NCOA6: variants seen among roughly 807,000 people sequenced by gnomAD.
NCOA6 encodes NRC RAP250.
Under a neutral mutation model 171.4 loss-of-function variants are expected in NCOA6, and 49 were observed. The ratio of observed to expected loss-of-function variants is 0.29; its 90% CI spans 0.23 to 0.36. NCOA6 has a LOEUF of 0.36. Among genes scored for constraint, NCOA6 ranks in the 10% least tolerant of loss-of-function variants. The pLI is 1.00. For missense variants in NCOA6, 2,248 were observed against 2,554.5 expected, an observed-to-expected ratio of 0.88 and a Z score of 2.59; for synonymous variants, 910 against 927.5, an observed-to-expected ratio of 0.98 and a Z score of 0.34.
chr20:34,744,855 T>G (rs1258922819), intron 10 of NCOA6, among the ~76,000 whole-genome samples: 11 of 152,152 alleles, frequency 7.2e-5, no homozygotes, highest in Admixed American at 7.2e-4. Context: ...CCTGTTGATG[T>G]CAGGGTTATG....
chr20:34,809,673 A>G (rs1244530152), intron 1 of NCOA6, among the ~76,000 whole-genome samples: 1 of 152,214 alleles, frequency 6.6e-6, no homozygotes, highest in Non-Finnish European at 1.5e-5. Flanking sequence ...TACTCTAGAA[A>G]GAGTTGTAAA....
Position 34,715,011 on chromosome 20 carries a change from C to A in NCOA6, c.*311G>T, listed in dbSNP as rs932389552. 21 of 298,046 alleles carry A rather than the reference C, an allele frequency of 7.0e-5. No individual in the cohort carries two copies. The highest frequency in any genetic ancestry group is 3.3e-4 in the Admixed American group (7 of 21,148). The allele number at this position is 298,046 out of a possible 1,614,324, so 18.5% of individuals were successfully genotyped here. A position where few individuals can be genotyped will look rare whatever the true frequency, so the allele number is the denominator to read the frequency against. On this transcript the variant is annotated 3_prime_UTR_variant, in exon 15 of 15. Coordinates refer to ENST00000359003, the MANE Select transcript of NCOA6 (RefSeq NM_014071.5). ...ACGGCACAATACATCATTAGGAGAT[C>A]TAAAAATGCTCACCCTGTACTCTAG...
chr20:34,825,431 G>A (rs1364715847), intron 1 of NCOA6, 41 bp downstream of exon 1: 26 of 149,230 alleles, frequency 1.7e-4, no homozygotes, highest in African/African-American at 6.3e-4. Flanking sequence ...CGGACGCCCG[G>A]CGGGCCCACC....
intron 5 of NCOA6, among the ~76,000 whole-genome samples, chr20:34,760,768 T>G (rs1448383698): frequency 6.6e-6 from 1 of 152,244 alleles, no homozygotes; most frequent in African/African-American, 2.4e-5. Flanking sequence ...AATTGTGGAA[T>G]ATATTTTTTC....
chr20:34,742,833 T>C lies in NCOA6; in HGVS notation c.3423A>G (p.Pro1141=), dbSNP rs1319090835. ...SLPEASGSEA[P]SVPGGPNNMP... ...TGTTGTTTGGGCCTCCTGGGACAGA[T>C]GGTGCTTCACTGCCACTTGCTTCAG... Residue 1141 remains proline (P), a synonymous_variant, in exon 11 of 15, where the codon CCA becomes CCG. Transcript: ENST00000359003. 2.5e-6 allele frequency: 4 copies of C among 1,614,170 alleles called. No homozygotes were observed. In the South Asian group the frequency reaches 4.4e-5, roughly 18 times the overall value.
intron 5 of NCOA6, among the ~76,000 whole-genome samples, chr20:34,765,269 A>G (rs2076944194): frequency 6.6e-6 from 1 of 151,740 alleles, no homozygotes; most frequent in Non-Finnish European, 1.5e-5. Flanking sequence ...TGGCTAACAC[A>G]GTGAACCCTC....
chr20:34,731,584 G>A (rs6141509), intron 13 of NCOA6, among the ~76,000 whole-genome samples: 68,022 of 152,002 alleles, frequency 0.45, 15,633 homozygotes, highest in Admixed American at 0.6. Context: ...AGGATGCATG[G>A]CATGGAACAA....
At chr20:34,774,189 TAAATA>T (rs1186918820) in intron 4 of NCOA6, among the ~76,000 whole-genome samples, 1 of 152,214 alleles carries the variant, frequency 6.6e-6, no homozygotes, top group Admixed American at 6.5e-5. Context: ...TTGAAGCCTT[TAAATA>T]GGTAACAGAG....
intron 1 of NCOA6, chr20:34,819,155 AAT>A (rs1301063058): frequency 1.3e-5 from 2 of 152,160 alleles, no homozygotes; most frequent in East Asian, 3.8e-4. Flanking sequence ...CCACCATCCC[AAT>A]ATGTCATTTA....
chr20:34,803,049 G>A (rs2078309048), intron 1 of NCOA6, among the ~76,000 whole-genome samples: 1 of 152,002 alleles, frequency 6.6e-6, no homozygotes, highest in Non-Finnish European at 1.5e-5. Flanking sequence ...GGGCTCAAGT[G>A]ATCCACCCAC....
chr20:34,813,582 T>C (rs1199662010), intron 1 of NCOA6, among the ~76,000 whole-genome samples: 7 of 152,184 alleles, frequency 4.6e-5, no homozygotes, highest in Non-Finnish European at 8.8e-5. Flanking sequence ...TGTGTTTATG[T>C]AGAAGAATAT....
intron 8 of NCOA6, among the ~76,000 whole-genome samples, chr20:34,754,064 T>C (rs2076571854): frequency 6.6e-6 from 1 of 152,222 alleles, no homozygotes; most frequent in African/African-American, 2.4e-5. Flanking sequence ...ATTTCTTCTT[T>C]TTGCAGTACA....
chr20:34,733,306 A>C (rs2075843294), intron 12 of NCOA6, among the ~76,000 whole-genome samples: 1 of 152,204 alleles, frequency 6.6e-6, no homozygotes, highest in African/African-American at 2.4e-5. Context: ...ACCAGATAGC[A>C]GTGATCTATC....
At position 34,750,153 on chromosome 20, in the gene NCOA6, T is replaced by G; in HGVS notation, c.2042A>C (p.Lys681Thr). 1 of 1,613,330 alleles carries G rather than the reference T, an allele frequency of 6.2e-7. No individual in the cohort carries two copies. The highest frequency in any genetic ancestry group is 8.5e-7 in the Non-Finnish European group (1 of 1,179,634). ...GPSPQRMTPP[K>T]QMLSQQGPQM... Reference sequence around the variant, plus strand: ...TGGGCCCTGCTGGGAAAGCATCTGCTTGGGTGGGGTCATCCTTTGGGGCGA... The same window carrying G: ...TGGGCCCTGCTGGGAAAGCATCTGCGTGGGTGGGGTCATCCTTTGGGGCGA... The change falls in exon 9 of 15, where the codon AAG (lysine) becomes ACG (threonine). Residue 681 changes from lysine (K) to threonine (T), a missense_variant. Lys to Thr is a moderately conservative substitution (Grantham distance 78). This residue lies in a region of NCOA6 where 987 missense variants were observed against 1,104.7 expected (regional missense o/e 0.89). Coordinates refer to ENST00000359003, the MANE Select transcript of NCOA6 (RefSeq NM_014071.5).
intron 1 of NCOA6, among the ~76,000 whole-genome samples, chr20:34,812,661 T>G (rs1445565539): frequency 1.3e-5 from 2 of 152,122 alleles, no homozygotes; most frequent in African/African-American, 4.8e-5. Flanking sequence ...GAAATAAATC[T>G]GTGCCCAAAT....
At position 34,757,604 on chromosome 20, in the gene NCOA6, G is replaced by C; in HGVS notation, c.1144C>G (p.Gln382Glu). ...AAGTTTGTGTGGGCTTGTGAGGCTT[G>C]CTGGCTGCCAAAGGGATATGGAGGG... ...PPPPYPFGSQQASQAHTNFPQ... is the reference protein window; with the variant it reads ...PPPPYPFGSQEASQAHTNFPQ... Residue 382 changes from glutamine to glutamate, a missense_variant, in exon 7 of 15, where the codon CAA (glutamine) becomes GAA (glutamate). Gln to Glu is a conservative substitution (Grantham distance 29). This residue lies in a region of NCOA6 where 987 missense variants were observed against 1,104.7 expected (regional missense o/e 0.89). Transcript: ENST00000359003. 6.2e-7 allele frequency: 1 copy of C among 1,613,908 alleles called. No homozygotes were observed. Among genetic ancestry groups the C allele is most frequent in the Non-Finnish European group, 8.5e-7 (1 of 1,179,892 alleles).
chr20:34,738,920 C>T (rs147796168), intron 11 of NCOA6: 4 of 455,980 alleles, frequency 8.8e-6, no homozygotes, highest in Admixed American at 4.7e-5. Flanking sequence ...GGTAGGCACT[C>T]GAAGCATTTT....
At chr20:34,795,959 A>G (rs1320556226) in intron 1 of NCOA6, among the ~76,000 whole-genome samples, 1 of 150,550 alleles carries the variant, frequency 6.6e-6, no homozygotes, top group Non-Finnish European at 1.5e-5. Flanking sequence ...TTTAAACTAC[A>G]TGGTCTTCAT....
rs1271003906 is a variant in NCOA6 at position 34,740,665 on chromosome 20, A to C, written c.5591T>G (p.Leu1864Arg). The C allele has an allele frequency of 6.2e-7, 1 of 1,614,156 alleles. No individual in the cohort carries two copies. The highest frequency in any genetic ancestry group is 8.5e-7 in the Non-Finnish European group (1 of 1,180,024). The stretch of plus-strand genomic sequence containing the variant: ...TGTGGATAACTGCTCTGTTCCCATG[A>C]GCCCCGGAGCTGTGGTGTCTAGCCC... ...GQGLDTTAPGLMGTEQLSTEL... is the reference protein window; with the variant it reads ...GQGLDTTAPGRMGTEQLSTEL... Residue 1864 changes from leucine (L) to arginine (R), a missense_variant, in exon 11 of 15, where the codon CTC becomes CGC. Leu to Arg is a moderately radical substitution (Grantham distance 102). Coordinates refer to ENST00000359003, the MANE Select transcript of NCOA6 (RefSeq NM_014071.5).
Sources: gnomAD v4.1 joint callset for allele counts (sites outside exome capture counted in the v4.1 genomes callset) on GRCh38, gnomAD v4.1.1 for gene constraint, gnomAD v4.1.1 regional missense constraint, MANE v1.5 for transcripts, NCBI Gene and HGNC (gene_info 2026-07-23, HGNC 2026-07-21) for gene names.